The following EFNA5 variants were observed in gnomAD, a reference collection of about 807,000 sequenced individuals.
EFNA5 encodes the protein ephrin-A5.
Under a neutral mutation model 22.9 loss-of-function variants are expected in EFNA5, and 5 were observed. The observed-to-expected ratio is 0.22, with a 90% CI of 0.11 to 0.46. The LOEUF (loss-of-function observed/expected upper bound fraction) is 0.46. Ranked by LOEUF, EFNA5 falls within the 20% of genes least tolerant of loss-of-function variation. The pLI is 0.99. For missense variants in EFNA5, 237 were observed against 293.3 expected (o/e 0.81, Z 1.40); for synonymous variants, 113 against 112.2 (o/e 1.01, Z -0.04).
chr5:107,496,914 C>A (rs1747001878), intron 1 of EFNA5, among the ~76,000 whole-genome samples: 1 of 152,206 alleles, frequency 6.6e-6, no homozygotes, highest in South Asian at 2.1e-4. Flanking sequence ...CTCCTAGGAG[C>A]AAGTCATATC....
rs558730694 is a variant in EFNA5 at position 107,626,705 on chromosome 5, T to C, written c.125+43784A>G. Among the ~76,000 whole-genome samples, 46 of 152,350 alleles carry C rather than the reference T, an allele frequency of 3.0e-4. No individual in the cohort carries two copies. In the South Asian group the frequency reaches 9.3e-3, roughly 31 times the overall value. On this transcript the variant is annotated intron_variant, in intron 1 of 4. Transcript: ENST00000333274. ...ATAACTCTGGCATTACATATATAAT[T>C]AACAGCCTCAAAGAACATGTTTCTT...
chr5:107,469,228 C>G (rs1230270423), intron 1 of EFNA5, among the ~76,000 whole-genome samples: 1 of 152,154 alleles, frequency 6.6e-6, no homozygotes, highest in Non-Finnish European at 1.5e-5. Flanking sequence ...GTTCCCTGCG[C>G]TCCTCAACTG....
intron 2 of EFNA5, 196 bp downstream of exon 2, chr5:107,427,009 AATTTCATAGGGG>A: frequency 1.7e-6 from 1 of 586,020 alleles, no homozygotes; most frequent in Non-Finnish European, 3.0e-6. Context: ...GCTGACACGT[AATTTCATAGGGG>A]GAGACGCGCT....
intron 1 of EFNA5, among the ~76,000 whole-genome samples, chr5:107,453,112 G>A (rs1207522760): frequency 6.6e-6 from 1 of 151,914 alleles, no homozygotes; most frequent in Non-Finnish European, 1.5e-5. Flanking sequence ...TATTTAACTG[G>A]ATATTGAAAT....
intron 1 of EFNA5, among the ~76,000 whole-genome samples, chr5:107,519,391 G>A (rs576086010): frequency 2.2e-4 from 34 of 152,304 alleles, no homozygotes; most frequent in African/African-American, 7.2e-4. Context: ...ATTTATTGAG[G>A]CAAAGGAATA....
At position 107,380,373 on chromosome 5, in the gene EFNA5, T is replaced by TAAAAAAAAA. The variant is rs1747407184; in HGVS notation, c.*881_*882insTTTTTTTTT. 1.2e-4 allele frequency: 5 copies of TAAAAAAAAA among 41,612 alleles called. 2 individuals carry two copies. The highest frequency in any genetic ancestry group is 1.8e-4 in the African/African-American group (2 of 11,226). 2.6% of individuals were successfully genotyped at this position (41,612 alleles called of 1,614,324 possible). A position where few individuals can be genotyped will look rare whatever the true frequency, so the allele number is the denominator to read the frequency against. ...TCATAAAAATGCCTCTTTGAGTTTC[T>TAAAAAAAAA]TAAAAAAAAAAAAAAAAAAAAAAAA... is the stretch of plus-strand genomic sequence containing the variant. On this transcript the variant is annotated 3_prime_UTR_variant, in exon 5 of 5. Coordinates refer to ENST00000333274, the MANE Select transcript of EFNA5 (RefSeq NM_001962.3).
intron 1 of EFNA5, among the ~76,000 whole-genome samples, chr5:107,562,179 G>A (rs546459471): frequency 1.3e-5 from 2 of 152,234 alleles, no homozygotes; most frequent in East Asian, 3.9e-4. Context: ...CAAAATTAAT[G>A]ATGTAGCAAT....
At chr5:107,476,253 A>G (rs1165622636) in intron 1 of EFNA5, among the ~76,000 whole-genome samples, 2 of 150,738 alleles carry the variant, frequency 1.3e-5, no homozygotes, top group Non-Finnish European at 2.9e-5. Context: ...CGGTTTCACA[A>G]TGTTGGCCAG....
At chr5:107,556,785 T>TAAATAAAATA (rs200854665) in intron 1 of EFNA5, among the ~76,000 whole-genome samples, 18 of 141,738 alleles carry the variant, frequency 1.3e-4, no homozygotes, top group South Asian at 4.5e-4. Flanking sequence ...AATAAATAAA[T>TAAATAAAATA]AAATAAAATA....
At chr5:107,538,927 G>T (rs1445730229) in intron 1 of EFNA5, among the ~76,000 whole-genome samples, 1 of 152,072 alleles carries the variant, frequency 6.6e-6, no homozygotes, top group East Asian at 1.9e-4. Flanking sequence ...CTTTGATATG[G>T]TTTCTGTATT....
chr5:107,493,270 A>G (rs530062673), intron 1 of EFNA5, among the ~76,000 whole-genome samples: 9 of 152,032 alleles, frequency 5.9e-5, no homozygotes, highest in African/African-American at 2.2e-4. Context: ...ATAAAGACCA[A>G]TAAAACCTTT....
At chr5:107,625,329 C>T (rs960201858) in intron 1 of EFNA5, among the ~76,000 whole-genome samples, 23 of 151,760 alleles carry the variant, frequency 1.5e-4, no homozygotes, top group Admixed American at 1.5e-3. Context: ...GCAGCTACCA[C>T]CAATAAGTAA....
intron 1 of EFNA5, among the ~76,000 whole-genome samples, chr5:107,564,485 T>C (rs937767028): frequency 6.6e-6 from 1 of 152,212 alleles, no homozygotes; most frequent in Non-Finnish European, 1.5e-5. Flanking sequence ...TGTCTGTTAT[T>C]AGGATGTAAA....
chr5:107,416,608 A>G (rs145503441), intron 2 of EFNA5, among the ~76,000 whole-genome samples: 1 of 152,330 alleles, frequency 6.6e-6, no homozygotes, highest in African/African-American at 2.4e-5. Context: ...CAACCATCAG[A>G]ACAAGTGTTA....
At chr5:107,399,155 A>G (rs1277439804) in intron 2 of EFNA5, among the ~76,000 whole-genome samples, 1 of 151,926 alleles carries the variant, frequency 6.6e-6, no homozygotes, top group African/African-American at 2.4e-5. Flanking sequence ...AAGAAGTAAG[A>G]AATAAGTGAA....
intron 1 of EFNA5, among the ~76,000 whole-genome samples, chr5:107,452,081 A>G (rs1238100074): frequency 1.3e-5 from 2 of 152,188 alleles, no homozygotes; most frequent in African/African-American, 2.4e-5. Flanking sequence ...ATAAAGCTGG[A>G]AGCCATTATC....
At chr5:107,642,331 G>A (rs1252339369) in intron 1 of EFNA5, among the ~76,000 whole-genome samples, 1 of 151,926 alleles carries the variant, frequency 6.6e-6, no homozygotes, top group Non-Finnish European at 1.5e-5. Flanking sequence ...CAGATTTCAA[G>A]GGTTCTCACC....
chr5:107,481,384 C>G (rs577310105), intron 1 of EFNA5, among the ~76,000 whole-genome samples: 2 of 152,254 alleles, frequency 1.3e-5, no homozygotes, highest in South Asian at 4.1e-4. Flanking sequence ...GAGATCACAG[C>G]AAGTGTGCCT....
At chr5:107,428,512 G>A (rs1748863640) in intron 1 of EFNA5, among the ~76,000 whole-genome samples, 1 of 152,088 alleles carries the variant, frequency 6.6e-6, no homozygotes, top group African/African-American at 2.4e-5. Context: ...CCCATCAGTC[G>A]AACAGTATTT....
Sources: allele counts gnomAD v4.1 joint callset (sites outside exome capture counted in the v4.1 genomes callset), GRCh38; gene constraint gnomAD v4.1.1; transcripts MANE v1.5; gene names NCBI Gene and HGNC (gene_info 2026-07-23, HGNC 2026-07-21).